SESTD1: variants seen among roughly 807,000 people sequenced by gnomAD.
SESTD1 encodes the protein SEC14 and spectrin domain containing 1.
In SESTD1, 43 loss-of-function variants were observed where a neutral mutation model predicts 101.7. The ratio of observed to expected loss-of-function variants is 0.42; its 90% CI spans 0.33 to 0.55. The LOEUF is 0.55. Among genes scored for constraint, SESTD1 ranks in the 20% least tolerant of loss-of-function variants. SESTD1 has a pLI of 0.07. For missense variants in SESTD1, 647 were observed against 815.1 expected, an observed-to-expected ratio of 0.79 and a Z score of 2.51; for synonymous variants, 283 against 286.8, an observed-to-expected ratio of 0.99 and a Z score of 0.13.
intron 10 of SESTD1, among the ~76,000 whole-genome samples, chr2:179,128,878 T>A (rs2044943893): frequency 6.6e-6 from 1 of 151,932 alleles, no homozygotes. Context: ...TATAGCAAAA[T>A]AAAAAAACAC....
chr2:179,110,018 ATTG>A lies in SESTD1; in HGVS notation c.1969_1971del (p.Gln657del). On this transcript the variant is annotated inframe_deletion, in exon 18 of 18. Coordinates refer to ENST00000428443, the MANE Select transcript of SESTD1 (RefSeq NM_178123.5). ...GCCATGTCACTTGGACTCCCAAAATATTGTTCGGTTCTAAAAATCAAAACACAC... is the reference window on the plus strand; with the variant it reads ...GCCATGTCACTTGGACTCCCAAAATATTCGGTTCTAAAAATCAAAACACAC... 6.2e-7 allele frequency: 1 copy of A among 1,613,752 alleles called. No homozygotes were observed. Among genetic ancestry groups the A allele is most frequent in the Non-Finnish European group, 8.5e-7 (1 of 1,179,782 alleles).
At chr2:179,151,941 C>T (rs964084071) in intron 5 of SESTD1, among the ~76,000 whole-genome samples, 3 of 151,806 alleles carry the variant, frequency 2.0e-5, no homozygotes, top group Middle Eastern at 3.2e-3. Context: ...AAACTTGAAA[C>T]GTACATATTA....
intron 13 of SESTD1, among the ~76,000 whole-genome samples, chr2:179,121,147 T>C (rs928534404): frequency 5.9e-5 from 9 of 152,192 alleles, no homozygotes; most frequent in African/African-American, 1.7e-4. Flanking sequence ...TGAAGTTTTG[T>C]TGATGATCAT....
intron 1 of SESTD1, among the ~76,000 whole-genome samples, chr2:179,212,240 T>C (rs1342633242): frequency 7.4e-6 from 1 of 134,604 alleles, no homozygotes; most frequent in East Asian, 2.0e-4. Flanking sequence ...TTTCCTTTCC[T>C]AGCCAAGGGA....
At chr2:179,185,614 CTA>C (rs1341766286) in intron 2 of SESTD1, among the ~76,000 whole-genome samples, 1 of 108,692 alleles carries the variant, frequency 9.2e-6, no homozygotes, top group Non-Finnish European at 1.8e-5. Flanking sequence ...ATATATAACA[CTA>C]TTATACAATA....
intron 1 of SESTD1, among the ~76,000 whole-genome samples, chr2:179,213,538 G>A (rs2046679054): frequency 1.5e-5 from 2 of 135,410 alleles, no homozygotes; most frequent in African/African-American, 5.8e-5. Flanking sequence ...GTACCTGAAA[G>A]TGAGAAGGAG....
rs768997454 is a variant in SESTD1, at chr2:179,124,439, A to G, written c.1092T>C (p.Tyr364=). The G allele has an allele frequency of 1.2e-6, 2 of 1,614,162 alleles. No homozygotes were observed. The highest frequency in any genetic ancestry group is 1.7e-6 in the Non-Finnish European group (2 of 1,180,004). ...SLQQQLSDVC[Y]RQASQLEFRQ... ...TAAATTCCAGCTGACTGGCCTGTCG[A>G]TAACAAACATCACTAAGTTGTTGCT... The change falls in exon 11 of 18, where the codon TAT becomes TAC. Residue 364 remains tyrosine (Y), a synonymous_variant. Transcript: ENST00000428443.
intron 1 of SESTD1, among the ~76,000 whole-genome samples, chr2:179,209,935 T>C (rs1390905111): frequency 7.6e-6 from 1 of 131,210 alleles, no homozygotes; most frequent in African/African-American, 3.0e-5. Flanking sequence ...TTTGAAGAGA[T>C]AAACAAAAAT....
chr2:179,114,067 TGTG>T (rs1183360097), intron 16 of SESTD1, among the ~76,000 whole-genome samples: 1 of 152,150 alleles, frequency 6.6e-6, no homozygotes, highest in African/African-American at 2.4e-5. Flanking sequence ...ACAGAATACT[TGTG>T]GTATGTTTTC....
chr2:179,211,077 CAA>C (rs772747731), intron 1 of SESTD1, among the ~76,000 whole-genome samples: 7 of 109,744 alleles, frequency 6.4e-5, no homozygotes, highest in Admixed American at 8.9e-5. Context: ...ACAACAGCTG[CAA>C]AAAAAAAAAA....
At chr2:179,189,524 C>T (rs2046287979) in intron 2 of SESTD1, among the ~76,000 whole-genome samples, 1 of 152,072 alleles carries the variant, frequency 6.6e-6, no homozygotes. Context: ...ACAAGGATAG[C>T]CACTCTCACC....
Position 179,227,719 on chromosome 2 carries a change from C to T in SESTD1, c.-25-35853G>A, listed in dbSNP as rs183974796. 8.5e-5 allele frequency among the ~76,000 whole-genome samples: 13 copies of T among 152,166 alleles called. No homozygotes were observed. In the East Asian group the frequency reaches 9.6e-4, roughly 11 times the overall value. Reference sequence around the variant, plus strand: ...TAGGAGGCACCGAAGTAGCAATTCCCGGTTTTCAATGACTTCTGCACTGCC... The same window carrying T: ...TAGGAGGCACCGAAGTAGCAATTCCTGGTTTTCAATGACTTCTGCACTGCC... On this transcript the variant is annotated intron_variant, in intron 1 of 17. Transcript: ENST00000428443.
intron 1 of SESTD1, among the ~76,000 whole-genome samples, chr2:179,241,264 A>G (rs1294791596): frequency 6.6e-6 from 1 of 152,130 alleles, no homozygotes; most frequent in Non-Finnish European, 1.5e-5. Context: ...TCCCAGAAGC[A>G]GAGGAGAAAG....
chr2:179,257,007 TGAAA>T (rs888920451), intron 1 of SESTD1, among the ~76,000 whole-genome samples: 1 of 152,086 alleles, frequency 6.6e-6, no homozygotes, highest in African/African-American at 2.4e-5. Flanking sequence ...ACTCAAATTG[TGAAA>T]GTTCTACTAT....
intron 4 of SESTD1, among the ~76,000 whole-genome samples, chr2:179,173,165 C>T (rs2045954794): frequency 6.6e-6 from 1 of 152,158 alleles, no homozygotes; most frequent in Non-Finnish European, 1.5e-5. Context: ...CTGGAATGCC[C>T]TTTGCCTTAT....
intron 12 of SESTD1, 127 bp downstream of exon 12, chr2:179,123,588 A>C: frequency 1.5e-6 from 1 of 647,218 alleles, no homozygotes; most frequent in South Asian, 2.3e-5. Context: ...ATCTTTTTAT[A>C]CTATTTTTCT....
At chr2:179,152,360 G>A (rs2045547684) in intron 5 of SESTD1, among the ~76,000 whole-genome samples, 1 of 152,190 alleles carries the variant, frequency 6.6e-6, no homozygotes, top group African/African-American at 2.4e-5. Flanking sequence ...GAGCGCATGT[G>A]CGAAATTTTT....
chr2:179,239,840 C>T (rs754205510), intron 1 of SESTD1, among the ~76,000 whole-genome samples: 2 of 152,210 alleles, frequency 1.3e-5, no homozygotes, highest in Admixed American at 1.3e-4. Context: ...AGAGTAGATG[C>T]TCCACAATCA....
At chr2:179,257,499 T>G (rs2047416004) in intron 1 of SESTD1, among the ~76,000 whole-genome samples, 1 of 152,256 alleles carries the variant, frequency 6.6e-6, no homozygotes, top group South Asian at 2.1e-4. Context: ...GAAAATCGTG[T>G]GACTTGCTTT....
Sources: gnomAD v4.1 joint callset for allele counts (sites outside exome capture counted in the v4.1 genomes callset) on GRCh38, gnomAD v4.1.1 for gene constraint, MANE v1.5 for transcripts, NCBI Gene and HGNC (gene_info 2026-07-23, HGNC 2026-07-21) for gene names.